The following C10orf67 variants were observed in gnomAD, a reference collection of about 807,000 sequenced individuals.
C10orf67 encodes the protein uncharacterized protein C10orf67, mitochondrial.
In C10orf67, 60 loss-of-function variants were observed where a neutral mutation model predicts 35.6. The observed-to-expected ratio is 1.68, with a 90% CI of 1.37 to 2.09. The LOEUF (loss-of-function observed/expected upper bound fraction) is 2.09. Ranked by LOEUF, C10orf67 falls within the 30% of genes most tolerant of loss-of-function variation. C10orf67 has a pLI of 0.00. For synonymous variants in C10orf67, 167 were observed against 115.8 expected (o/e 1.44, Z -2.84); for missense variants, 474 against 330.2 (o/e 1.44, Z -3.38).
intron 13 of C10orf67, among the ~76,000 whole-genome samples, chr10:23,235,380 G>C (rs554366124): frequency 1.3e-5 from 2 of 152,186 alleles, no homozygotes; most frequent in African/African-American, 4.8e-5. Context: ...TCAGAAAATA[G>C]AAGGAAAAAT....
At chr10:23,215,296 T>C (rs1319067628) in intron 15 of C10orf67, among the ~76,000 whole-genome samples, 1 of 151,488 alleles carries the variant, frequency 6.6e-6, no homozygotes, top group East Asian at 1.9e-4. Context: ...AGAAGAGATA[T>C]CTTTTTTTTT....
In C10orf67 at chr10:23,319,035, CAT is replaced by C. The variant is rs1330468386; in HGVS notation, c.546+1704_546+1705del. 4.4e-6 allele frequency: 3 copies of C among 689,446 alleles called. No individual in the cohort carries two copies. In the African/African-American group the frequency reaches 5.3e-5, roughly 12 times the overall value. 42.7% of individuals were successfully genotyped at this position (689,446 alleles called of 1,614,324 possible). ...ATTTTTGTTTTAGGTTCAGAGGGTACATGTACAGGTTTATTACATGGGTAAAT... is the reference window on the plus strand; with the variant it reads ...ATTTTTGTTTTAGGTTCAGAGGGTACGTACAGGTTTATTACATGGGTAAAT... On this transcript the variant is annotated intron_variant, in intron 4 of 15. Transcript: ENST00000636213.
At chr10:23,337,276 G>GTAACC (rs1845723767) in intron 1 of C10orf67, among the ~76,000 whole-genome samples, 1 of 152,224 alleles carries the variant, frequency 6.6e-6, no homozygotes, top group African/African-American at 2.4e-5. Context: ...GCTCACACCT[G>GTAACC]TAACCTCAGC....
intron 8 of C10orf67, among the ~76,000 whole-genome samples, chr10:23,280,485 G>C (rs149785151): frequency 6.6e-6 from 1 of 152,122 alleles, no homozygotes; most frequent in Non-Finnish European, 1.5e-5. Context: ...AGAAGGTGGC[G>C]AAATAGTGAC....
At chr10:23,232,557 G>C (rs1738017756) in intron 13 of C10orf67, among the ~76,000 whole-genome samples, 1 of 152,138 alleles carries the variant, frequency 6.6e-6, no homozygotes, top group Non-Finnish European at 1.5e-5. Flanking sequence ...AATCAACAAA[G>C]TTGCTCATGG....
chr10:23,318,074 C>A, intron 4 of C10orf67: 1 of 132,064 alleles, frequency 7.6e-6, no homozygotes, highest in African/African-American at 3.0e-5. Flanking sequence ...ACATTCCAGC[C>A]TGGGAGACAG....
At chr10:23,304,727 G>T (rs754732271) in intron 4 of C10orf67, among the ~76,000 whole-genome samples, 2 of 152,068 alleles carry the variant, frequency 1.3e-5, no homozygotes, top group Admixed American at 6.6e-5. Context: ...TACCAACTCA[G>T]TAACCCAGCA....
At chr10:23,202,371 G>C (rs1184424036), downstream of C10orf67, 1 of 152,112 alleles carries the variant, frequency 6.6e-6, no homozygotes, top group Non-Finnish European at 1.5e-5. Context: ...ATCCTCAAAA[G>C]ACAAACTATG....
chr10:23,310,794 T>TTGAGAGA (rs1844466938), intron 4 of C10orf67, among the ~76,000 whole-genome samples: 7 of 152,202 alleles, frequency 4.6e-5, no homozygotes, highest in Admixed American at 4.6e-4. Context: ...CATTTACAGG[T>TTGAGAGA]CAGCACTCCA....
chr10:23,238,451 G>T (rs931576043), intron 13 of C10orf67, among the ~76,000 whole-genome samples: 2 of 152,184 alleles, frequency 1.3e-5, no homozygotes, highest in African/African-American at 4.8e-5. Flanking sequence ...ACCAGATGGA[G>T]CTCCATTAGC....
chr10:23,342,645 G>C (rs995494407), intron 1 of C10orf67, among the ~76,000 whole-genome samples: 1 of 152,210 alleles, frequency 6.6e-6, no homozygotes, highest in African/African-American at 2.4e-5. Flanking sequence ...GCAAACACTA[G>C]AACAGGGTAG....
chr10:23,279,482 G>A (rs758916699), intron 8 of C10orf67, among the ~76,000 whole-genome samples: 5 of 152,254 alleles, frequency 3.3e-5, no homozygotes, highest in Non-Finnish European at 7.3e-5. Context: ...GAGCGAGGGA[G>A]ACTGCAATGG....
intron 5 of C10orf67, among the ~76,000 whole-genome samples, chr10:23,298,091 T>G (rs1002836414): frequency 6.6e-6 from 1 of 151,934 alleles, no homozygotes; most frequent in Non-Finnish European, 1.5e-5. Flanking sequence ...CCATCTCCAC[T>G]AAAAATACAA....
chr10:23,233,352 A>G (rs2132125550), intron 13 of C10orf67, among the ~76,000 whole-genome samples: 1 of 152,324 alleles, frequency 6.6e-6, no homozygotes, highest in African/African-American at 2.4e-5. Flanking sequence ...TTAGCAACAA[A>G]CAAAAATTAA....
At chr10:23,206,228 A>G (rs547255361) in intron 15 of C10orf67, among the ~76,000 whole-genome samples, 2 of 152,364 alleles carry the variant, frequency 1.3e-5, no homozygotes, top group African/African-American at 4.8e-5. Context: ...GGTTTGCACA[A>G]TGCTATTCAC....
At chr10:23,242,159 A>C (rs765547380) in intron 12 of C10orf67, among the ~76,000 whole-genome samples, 10 of 151,906 alleles carry the variant, frequency 6.6e-5, no homozygotes, top group Non-Finnish European at 1.2e-4. Flanking sequence ...TTTAGTAGAG[A>C]TGGGGTTTCA....
intron 5 of C10orf67, among the ~76,000 whole-genome samples, chr10:23,298,066 G>A (rs1257372628): frequency 4.6e-5 from 7 of 151,868 alleles, no homozygotes; most frequent in South Asian, 4.2e-4. Flanking sequence ...CCATCCTGGC[G>A]AACACGGTGA....
rs540717239 is a variant in C10orf67 at position 23,204,347 on chromosome 10, AT to A, written c.1571-93del. 310 of 430,790 alleles carry A rather than the reference AT, an allele frequency of 7.2e-4. 1 individual carries two copies. Among genetic ancestry groups the A allele is most frequent in the African/African-American group, 4.0e-3 (196 of 48,922 alleles). The allele number at this position is 430,790 out of a possible 1,614,324, so 26.7% of individuals were successfully genotyped here. ...CTCTTCCCCCAAAGCATTTTGCGTCATTTTTTTTAGTGGGTCTTCCCAGCCC... is the reference window on the plus strand; with the variant it reads ...CTCTTCCCCCAAAGCATTTTGCGTCATTTTTTTAGTGGGTCTTCCCAGCCC... On this transcript the variant is annotated intron_variant, in intron 15 of 15. Coordinates refer to ENST00000636213, the MANE Select transcript of C10orf67 (RefSeq NM_001371909.1).
rs76191270 is a variant in C10orf67, at chr10:23,324,936, T to C, written c.328-2399A>G. Reference sequence around the variant, plus strand: ...TATCCTCATACTATATAGGAGGTTTTATTTTACTGGTGAGAATATCAAGAC... The same window carrying C: ...TATCCTCATACTATATAGGAGGTTTCATTTTACTGGTGAGAATATCAAGAC... On this transcript the variant is annotated intron_variant, in intron 2 of 15. Coordinates refer to ENST00000636213, the MANE Select transcript of C10orf67 (RefSeq NM_001371909.1). Among the ~76,000 whole-genome samples, 419 of 152,312 alleles carry C rather than the reference T, an allele frequency of 2.8e-3. 4 individuals carry two copies. Among genetic ancestry groups the C allele is most frequent in the African/African-American group, 9.5e-3 (393 of 41,548 alleles).
Sources: gnomAD v4.1 joint callset for allele counts (sites outside exome capture counted in the v4.1 genomes callset) on GRCh38, gnomAD v4.1.1 for gene constraint, MANE v1.5 for transcripts, NCBI Gene and HGNC (gene_info 2026-07-23, HGNC 2026-07-21) for gene names.